SPRR2G: variants seen among roughly 807,000 people sequenced by gnomAD.
The protein encoded by SPRR2G is small proline-rich protein 2G.
Under a neutral mutation model 0.7 loss-of-function variants are expected in SPRR2G, and 1 was observed. The ratio of observed to expected loss-of-function variants is 1.49; its 90% CI spans 0.53 to 7.06. The LOEUF (loss-of-function observed/expected upper bound fraction) is 7.06. Among genes scored for constraint, SPRR2G ranks in the 30% most tolerant of loss-of-function variants. SPRR2G has a pLI of 0.14. For synonymous variants in SPRR2G, 38 were observed against 33.9 expected, an observed-to-expected ratio of 1.12 and a Z score of -0.42; for missense variants, 96 against 88.5, an observed-to-expected ratio of 1.09 and a Z score of -0.34.
the SPRR2G span, among the ~76,000 whole-genome samples, chr1:153,193,846 T>C: frequency 1.3e-5 from 2 of 152,138 alleles, no homozygotes; most frequent in Non-Finnish European, 2.9e-5. Context: ...GCTATCAAAC[T>C]GGAACCCCAC....
the SPRR2G span, among the ~76,000 whole-genome samples, chr1:153,201,924 T>C: frequency 9.2e-5 from 14 of 152,370 alleles, no homozygotes; most frequent in African/African-American, 3.4e-4. Context: ...ACCCATATTC[T>C]TTTAGCACAA....
At chr1:153,164,947 C>CT in the SPRR2G span, among the ~76,000 whole-genome samples, 1 of 152,206 alleles carries the variant, frequency 6.6e-6, no homozygotes, top group Non-Finnish European at 1.5e-5. Context: ...TCCCTACACA[C>CT]TTCTCACCTC....
the SPRR2G span, among the ~76,000 whole-genome samples, chr1:153,197,046 G>A: frequency 0.43 from 65,492 of 151,638 alleles, 15,126 homozygotes; most frequent in South Asian, 0.57. Flanking sequence ...CTTCCCTACC[G>A]TGCCTGGCCC....
chr1:153,203,210 C>T, the SPRR2G span, among the ~76,000 whole-genome samples: 4 of 152,166 alleles, frequency 2.6e-5, no homozygotes, highest in African/African-American at 9.6e-5. Flanking sequence ...ATCCTCAGAG[C>T]CCAGGACTCT....
At position 153,149,969 on chromosome 1, in the gene SPRR2G, G is replaced by T; in HGVS notation, c.142C>A (p.Pro48Thr). 6.2e-7 allele frequency: 1 copy of T among 1,614,128 alleles called. No homozygotes were observed. The highest frequency in any genetic ancestry group is 1.7e-5 in the Admixed American group (1 of 60,028). ...GGGCATTTATCCTGGCATGGTGGAG[G>T]TGGGCAATGCTCAGGTGGACAAGGA... ...PPPCPPEHCP[P>T]PPCQDKCPPV... The change falls in exon 2 of 2, where the codon CCT becomes ACT. Residue 48 changes from proline to threonine, a missense_variant. Coordinates refer to ENST00000368748, the MANE Select transcript of SPRR2G (RefSeq NM_001014291.4).
chr1:153,202,624 C>T, the SPRR2G span, among the ~76,000 whole-genome samples: 1 of 152,162 alleles, frequency 6.6e-6, no homozygotes, highest in South Asian at 2.1e-4. Flanking sequence ...TGACTGCCTT[C>T]CTTCAGATGT....
At chr1:153,200,708 T>A in the SPRR2G span, among the ~76,000 whole-genome samples, 19 of 151,834 alleles carry the variant, frequency 1.3e-4, no homozygotes, top group Admixed American at 1.2e-3. Context: ...GGATTTTTTT[T>A]TTTTTTTTTG....
the SPRR2G span, among the ~76,000 whole-genome samples, chr1:153,192,569 C>T: frequency 6.6e-6 from 1 of 152,226 alleles, no homozygotes; most frequent in East Asian, 1.9e-4. Flanking sequence ...TTTGCCTAGT[C>T]AAGATTATAG....
chr1:153,158,148 C>T, the SPRR2G span, among the ~76,000 whole-genome samples: 1 of 152,122 alleles, frequency 6.6e-6, no homozygotes, highest in African/African-American at 2.4e-5. Flanking sequence ...CCAACAGTCC[C>T]CCAAAGTCTT....
At chr1:153,182,639 G>A in the SPRR2G span, among the ~76,000 whole-genome samples, 9 of 152,004 alleles carry the variant, frequency 5.9e-5, no homozygotes, top group African/African-American at 1.2e-4. Flanking sequence ...AGAACTTAGG[G>A]TGTTTGGTCT....
chr1:153,161,155 C>T, the SPRR2G span, among the ~76,000 whole-genome samples: 4 of 151,852 alleles, frequency 2.6e-5, no homozygotes, highest in African/African-American at 4.8e-5. Context: ...TAATGGGTGC[C>T]GCACACCAAC....
chr1:153,201,403 T>C, the SPRR2G span, among the ~76,000 whole-genome samples: 1 of 152,186 alleles, frequency 6.6e-6, no homozygotes, highest in Non-Finnish European at 1.5e-5. Context: ...AAGATAACAA[T>C]GGCTAGTAGA....
At chr1:153,183,354 T>G in the SPRR2G span, among the ~76,000 whole-genome samples, 1 of 151,980 alleles carries the variant, frequency 6.6e-6, no homozygotes, top group East Asian at 1.9e-4. Flanking sequence ...CCCAAAGTGC[T>G]GGGATTACAG....
chr1:153,168,043 G>T, the SPRR2G span, among the ~76,000 whole-genome samples: 1 of 152,128 alleles, frequency 6.6e-6, no homozygotes, highest in Non-Finnish European at 1.5e-5. Flanking sequence ...TTGGTGCTCT[G>T]AGTAGTGTCT....
At chr1:153,151,981 A>G (rs1337328316), upstream of SPRR2G, among the ~76,000 whole-genome samples, 1 of 152,232 alleles carries the variant, frequency 6.6e-6, no homozygotes, top group Non-Finnish European at 1.5e-5. Flanking sequence ...ATACATCTAC[A>G]GCCACCACTA....
At chr1:153,152,376 C>T (rs1656489891), upstream of SPRR2G, among the ~76,000 whole-genome samples, 2 of 151,704 alleles carry the variant, frequency 1.3e-5, no homozygotes, top group Non-Finnish European at 2.9e-5. Context: ...GAGAAAGCCC[C>T]TCTCAGGGAA....
At chr1:153,183,896 A>G in the SPRR2G span, among the ~76,000 whole-genome samples, 4 of 152,318 alleles carry the variant, frequency 2.6e-5, no homozygotes, top group Non-Finnish European at 5.9e-5. Flanking sequence ...TAATTTTTGT[A>G]TAAGGTGTAA....
the SPRR2G span, among the ~76,000 whole-genome samples, chr1:153,175,900 T>C: frequency 3.9e-5 from 6 of 151,902 alleles, no homozygotes; most frequent in Non-Finnish European, 7.4e-5. Context: ...CTACTAAAAA[T>C]ACAAAAATTA....
chr1:153,166,563 C>G, the SPRR2G span, among the ~76,000 whole-genome samples: 1 of 152,116 alleles, frequency 6.6e-6, no homozygotes, highest in African/African-American at 2.4e-5. Context: ...AGCTCTGATG[C>G]TGCACCCTCA....
Sources: gnomAD v4.1 joint callset for allele counts (sites outside exome capture counted in the v4.1 genomes callset) on GRCh38, gnomAD v4.1.1 for gene constraint, MANE v1.5 for transcripts, NCBI Gene and HGNC (gene_info 2026-07-23, HGNC 2026-07-21) for gene names.